TRIO: variants seen among roughly 807,000 people sequenced by gnomAD.
The protein encoded by TRIO is triple functional domain protein.
A neutral mutation model predicts 351.9 loss-of-function variants in TRIO; 58 were observed. That is an observed-to-expected ratio of 0.16 (90% CI 0.13 to 0.21). TRIO has a LOEUF of 0.21. TRIO is among the 10% of genes least tolerant of loss of function. The pLI is 1.00. For synonymous variants in TRIO, 1,758 were observed against 1,595.7 expected (o/e 1.10, Z -2.42); for missense variants, 3,201 against 4,027.8 (o/e 0.79, Z 5.56).
At chr5:14,464,099 C>T (rs1280426323) in intron 36 of TRIO, among the ~76,000 whole-genome samples, 13 of 151,820 alleles carry the variant, frequency 8.6e-5, no homozygotes. Context: ...GAACAGGGAG[C>T]CTGAGGTGAG....
intron 1 of TRIO, among the ~76,000 whole-genome samples, chr5:14,244,713 G>A (rs887832846): frequency 5.3e-5 from 8 of 152,320 alleles, no homozygotes; most frequent in Admixed American, 4.6e-4. Context: ...AGCCCACAGC[G>A]GCAAGAAGCA....
At chr5:14,170,116 G>A (rs571697329) in intron 1 of TRIO, among the ~76,000 whole-genome samples, 3 of 152,246 alleles carry the variant, frequency 2.0e-5, no homozygotes, top group African/African-American at 4.8e-5. Context: ...CCTGGGATGC[G>A]TTTTCTGTGT....
chr5:14,447,094 T>C (rs1459006508), intron 34 of TRIO, among the ~76,000 whole-genome samples: 1 of 152,164 alleles, frequency 6.6e-6, no homozygotes, highest in Non-Finnish European at 1.5e-5. Flanking sequence ...TAGTCGGGTG[T>C]GGTGGCGGGC....
intron 41 of TRIO, among the ~76,000 whole-genome samples, chr5:14,478,786 CAAA>C (rs1187243670): frequency 4.0e-4 from 38 of 95,000 alleles, no homozygotes; most frequent in Non-Finnish European, 7.8e-4. Context: ...TCCATCCCTA[CAAA>C]AAAAAAAAAA....
At position 14,405,940 on chromosome 5, in the gene TRIO, G is replaced by A. The variant is rs746634561; in HGVS notation, c.4809G>A (p.Glu1603=). ...TCCACCTGAAGGGAGCCCTGAAGGA[G>A]CCCATTCACATCCCTAAGACCGCTC... ...RTIHLKGALK[E]PIHIPKTAPA... Residue 1603 remains glutamate (E), a synonymous_variant, in exon 32 of 57, where the codon GAG becomes GAA. Transcript: ENST00000344204. 96 of 1,612,018 alleles carry A rather than the reference G, an allele frequency of 6.0e-5. No individual in the cohort carries two copies. Among genetic ancestry groups the A allele is most frequent in the Non-Finnish European group, 7.3e-5 (86 of 1,179,818 alleles).
Position 14,504,894 on chromosome 5 carries a change from G to A in TRIO, c.8612+301G>A, listed in dbSNP as rs944045035. ...ACCCCTTTTCTGAAGGTCCCATGAG[G>A]CCAGGCTGTCTCTGGTGCTGAACCC... On this transcript the variant is annotated intron_variant, in intron 55 of 56. Coordinates refer to ENST00000344204, the MANE Select transcript of TRIO (RefSeq NM_007118.4). Among the ~76,000 whole-genome samples the A allele has an allele frequency of 4.4e-4, 67 of 151,766 alleles. 1 individual carries two copies. The highest frequency in any genetic ancestry group is 8.3e-4 in the South Asian group (4 of 4,804).
intron 34 of TRIO, among the ~76,000 whole-genome samples, chr5:14,424,326 A>C (rs1400573226): frequency 6.6e-6 from 1 of 152,172 alleles, no homozygotes; most frequent in Admixed American, 6.5e-5. Flanking sequence ...AAATATGTCT[A>C]GAAGAAAACA....
At chr5:14,318,893 G>A (rs1413975400) in intron 9 of TRIO, among the ~76,000 whole-genome samples, 2 of 152,154 alleles carry the variant, frequency 1.3e-5, no homozygotes, top group Admixed American at 6.5e-5. Flanking sequence ...TAACTCTTCC[G>A]AGGCAGCAGC....
intron 1 of TRIO, among the ~76,000 whole-genome samples, chr5:14,206,594 A>G (rs1791476116): frequency 6.6e-6 from 1 of 152,146 alleles, no homozygotes; most frequent in Admixed American, 6.5e-5. Context: ...CTGTTCTGGC[A>G]TGTGCCTAAC....
chr5:14,263,810 T>C (rs544423542), intron 1 of TRIO, among the ~76,000 whole-genome samples: 4 of 152,304 alleles, frequency 2.6e-5, no homozygotes, highest in African/African-American at 9.6e-5. Context: ...AGTTCCAGAA[T>C]ACAGCCTCAG....
chr5:14,362,886 T>C (rs1224867858), intron 13 of TRIO, among the ~76,000 whole-genome samples: 1 of 152,210 alleles, frequency 6.6e-6, no homozygotes, highest in East Asian at 1.9e-4. Context: ...ATTTTATTAT[T>C]CTTTCTGCAT....
At position 14,419,865 on chromosome 5, in the gene TRIO, G is replaced by A. The variant is rs149901641; in HGVS notation, c.5047G>A (p.Val1683Met). ...GCTGACCATCCGACGGGGCCAGACC[G>A]TGGAAGTTCTGGAGCGGCCGCATGA... Reference protein sequence around the residue: ...NELTIRRGQTVEVLERPHDKP... With the variant: ...NELTIRRGQTMEVLERPHDKP... Residue 1683 changes from valine (V) to methionine (M), a missense_variant, in exon 34 of 57, where the codon GTG (valine) becomes ATG (methionine). Physicochemically the swap from Val to Met is conservative, Grantham distance 21 (BLOSUM62 1). Around this residue, in one of 19 missense-constraint regions of TRIO, gnomAD observed 136 missense variants for 229.5 expected, o/e 0.59. Transcript: ENST00000344204. 3.1e-6 allele frequency: 5 copies of A among 1,614,058 alleles called. No individual in the cohort carries two copies. Among genetic ancestry groups the A allele is most frequent in the Non-Finnish European group, 2.5e-6 (3 of 1,180,002 alleles).
At chr5:14,453,013 T>G (rs1161745656) in intron 34 of TRIO, among the ~76,000 whole-genome samples, 1 of 152,192 alleles carries the variant, frequency 6.6e-6, no homozygotes, top group Non-Finnish European at 1.5e-5. Flanking sequence ...ATGGTGAAAC[T>G]CTCTCCTGCG....
intron 1 of TRIO, among the ~76,000 whole-genome samples, chr5:14,147,648 C>T (rs1015575216): frequency 4.6e-5 from 7 of 152,204 alleles, no homozygotes; most frequent in African/African-American, 1.4e-4. Flanking sequence ...TTCCAGGGAA[C>T]AGGTGAAGAA....
In TRIO at chr5:14,464,836, C is replaced by T. The variant is rs544825979; in HGVS notation, c.5668-709C>T. ...CGGCTCAAGTAATCTGCAAACACGT[C>T]GTGTTTGCTAATTACTGAAACTCGA... On this transcript the variant is annotated intron_variant, in intron 36 of 56. Coordinates refer to ENST00000344204, the MANE Select transcript of TRIO (RefSeq NM_007118.4). Among the ~76,000 whole-genome samples the T allele has an allele frequency of 1.1e-4, 17 of 152,230 alleles. 1 individual carries two copies. Among genetic ancestry groups the T allele is most frequent in the South Asian group, 6.2e-4 (3 of 4,820 alleles).
intron 11 of TRIO, among the ~76,000 whole-genome samples, chr5:14,357,477 C>G (rs1743722532): frequency 6.6e-6 from 1 of 152,210 alleles, no homozygotes; most frequent in Non-Finnish European, 1.5e-5. Flanking sequence ...CAAAGTCATT[C>G]TTGCCACTCT....
rs1429949761 is a variant in TRIO, at chr5:14,291,262, A to G, written c.1053+34A>G. 5 of 1,594,440 alleles carry G rather than the reference A, an allele frequency of 3.1e-6. No homozygotes were observed. The East Asian group carries it at 6.7e-5, about 21-fold the overall frequency. On this transcript the variant is annotated intron_variant, in intron 5 of 56. Coordinates refer to ENST00000344204, the MANE Select transcript of TRIO (RefSeq NM_007118.4). ...GGGGGAGGCTAATGCCTCAGTGGAC[A>G]TGGGGGAAGCCAGCGCTGGTGGGTT...
chr5:14,467,690 G>T (rs967816879), intron 37 of TRIO, among the ~76,000 whole-genome samples: 1 of 152,022 alleles, frequency 6.6e-6, no homozygotes, highest in Non-Finnish European at 1.5e-5. Flanking sequence ...AGCATGCACC[G>T]GTAGTCCCAG....
At chr5:14,414,169 T>G (rs1385717241) in intron 33 of TRIO, among the ~76,000 whole-genome samples, 4 of 152,206 alleles carry the variant, frequency 2.6e-5, no homozygotes, top group Non-Finnish European at 5.9e-5. Flanking sequence ...TTCCCCGCCC[T>G]CGTTCCCTTT....
Sources: allele counts gnomAD v4.1 joint callset (sites outside exome capture counted in the v4.1 genomes callset), GRCh38; gene constraint gnomAD v4.1.1; regional missense constraint gnomAD v4.1.1; transcripts MANE v1.5; gene names NCBI Gene and HGNC (gene_info 2026-07-23, HGNC 2026-07-21).